The following DLC1 variants were observed in gnomAD, a reference collection of about 807,000 sequenced individuals.
DLC1 encodes DLC1 Rho GTPase activating protein.
DLC1 carries 54 observed loss-of-function variants against 140.3 expected under a neutral mutation model. The ratio of observed to expected loss-of-function variants is 0.38; its 90% CI spans 0.31 to 0.48. The LOEUF is 0.48. DLC1 is among the 20% of genes least tolerant of loss of function. The pLI, the probability that DLC1 is intolerant of heterozygous loss-of-function variation, is 0.96. For missense variants in DLC1, 2,536 were observed against 1,907.0 expected (o/e 1.33, Z -6.14); for synonymous variants, 986 against 728.1 (o/e 1.35, Z -5.70).
intron 5 of DLC1, among the ~76,000 whole-genome samples, chr8:13,190,666 A>G (rs1359139621): frequency 6.6e-6 from 1 of 152,196 alleles, no homozygotes; most frequent in African/African-American, 2.4e-5. Context: ...AAGTACCAGG[A>G]TTTAGCAGAT....
intron 5 of DLC1, among the ~76,000 whole-genome samples, chr8:13,167,994 AT>A (rs1825218112): frequency 6.6e-6 from 1 of 152,154 alleles, no homozygotes; most frequent in Non-Finnish European, 1.5e-5. Flanking sequence ...ATAAATCTGC[AT>A]GTTTTTTTCA....
At chr8:13,091,056 C>T (rs1818024356) in intron 14 of DLC1, among the ~76,000 whole-genome samples, 1 of 152,134 alleles carries the variant, frequency 6.6e-6, no homozygotes, top group South Asian at 2.1e-4. Context: ...GATCCACCCA[C>T]CTCAGCCTCC....
chr8:13,532,578 T>TTCTC (rs61307108), intron 1 of DLC1, among the ~76,000 whole-genome samples: 10 of 149,760 alleles, frequency 6.7e-5, no homozygotes, highest in Admixed American at 2.0e-4. Context: ...CTCTCTCTCT[T>TTCTC]TCTCTCTCTC....
intron 5 of DLC1, among the ~76,000 whole-genome samples, chr8:13,265,351 G>C (rs1830642002): frequency 6.6e-6 from 1 of 152,162 alleles, no homozygotes; most frequent in Admixed American, 6.5e-5. Context: ...AAGAAAAATA[G>C]TAGGCAATCA....
At chr8:13,104,582 C>A (rs1025077116) in intron 7 of DLC1, among the ~76,000 whole-genome samples, 11 of 152,152 alleles carry the variant, frequency 7.2e-5, no homozygotes, top group Non-Finnish European at 1.3e-4. Flanking sequence ...CTACGAATTG[C>A]AATTCTACAT....
At chr8:13,156,146 T>C (rs1484888450) in intron 5 of DLC1, among the ~76,000 whole-genome samples, 1 of 152,250 alleles carries the variant, frequency 6.6e-6, no homozygotes, top group African/African-American at 2.4e-5. Flanking sequence ...ATCTTTAAAA[T>C]AGATTATTAT....
chr8:13,184,116 G>A (rs991138494), intron 5 of DLC1, among the ~76,000 whole-genome samples: 5 of 152,192 alleles, frequency 3.3e-5, no homozygotes, highest in African/African-American at 9.7e-5. Context: ...GGTGTTAATA[G>A]TATTCTCTGA....
intron 5 of DLC1, among the ~76,000 whole-genome samples, chr8:13,219,452 A>G (rs892475276): frequency 1.6e-5 from 1 of 61,516 alleles, no homozygotes; most frequent in South Asian, 5.1e-4. Flanking sequence ...TAAAATATAT[A>G]AACAGGAATA....
chr8:13,451,870 G>T lies in DLC1; in HGVS notation c.1023+47179C>A, dbSNP rs543749351. Among the ~76,000 whole-genome samples the T allele has an allele frequency of 2.6e-5, 4 of 152,156 alleles. No homozygotes were observed. The South Asian group carries it at 8.3e-4, about 32-fold the overall frequency. ...GTTTGATACATTAATTTCTTTTTTT[G>T]GGAGGGTATATACCCAGCAGTAGGA... is the stretch of plus-strand genomic sequence containing the variant. On this transcript the variant is annotated intron_variant, in intron 2 of 17. Coordinates refer to ENST00000276297, the MANE Select transcript of DLC1 (RefSeq NM_182643.3).
chr8:13,099,373 A>G lies in DLC1; in HGVS notation c.2964T>C (p.Val988=). Residue 988 remains valine (V), a synonymous_variant, in exon 9 of 18, where the codon GTT becomes GTC. Transcript: ENST00000276297. ...TGTTGGACCTGGTTAGGGAAGCCCC[A>G]ACCCCAGAATCCCTTCTTTCCGGGA... The part of the protein sequence containing the change: ...SEIPERRDSG[V]GASLTRSNRH... 1 of 1,613,348 alleles carries G rather than the reference A, an allele frequency of 6.2e-7. No homozygotes were observed. The highest frequency in any genetic ancestry group is 8.5e-7 in the Non-Finnish European group (1 of 1,179,840).
At chr8:13,483,796 C>T (rs1800845903) in intron 2 of DLC1, among the ~76,000 whole-genome samples, 1 of 151,982 alleles carries the variant, frequency 6.6e-6, no homozygotes, top group Non-Finnish European at 1.5e-5. Flanking sequence ...TAAAGATAAT[C>T]TCGGGCGGGG....
intron 2 of DLC1, among the ~76,000 whole-genome samples, chr8:13,455,476 A>G (rs1799340268): frequency 6.6e-6 from 1 of 152,096 alleles, no homozygotes; most frequent in Non-Finnish European, 1.5e-5. Context: ...CCTCTGCTCC[A>G]GACACACCTG....
At chr8:13,566,182 GTT>G (rs1804420885) in intron 1 of DLC1, among the ~76,000 whole-genome samples, 1 of 152,124 alleles carries the variant, frequency 6.6e-6, no homozygotes, top group South Asian at 2.1e-4. Context: ...GCTGGAAAGA[GTT>G]TAAGGCAGGG....
chr8:13,389,473 G>A (rs1836659373), intron 4 of DLC1, among the ~76,000 whole-genome samples: 1 of 152,092 alleles, frequency 6.6e-6, no homozygotes, highest in Non-Finnish European at 1.5e-5. Context: ...AACAATTTAG[G>A]AGAGAAATTG....
intron 5 of DLC1, among the ~76,000 whole-genome samples, chr8:13,175,589 A>G (rs1055168440): frequency 6.6e-6 from 1 of 152,184 alleles, no homozygotes; most frequent in Non-Finnish European, 1.5e-5. Context: ...TAGACTCACA[A>G]AAAGTTGCAA....
chr8:13,399,689 A>G (rs1395026758), intron 3 of DLC1, among the ~76,000 whole-genome samples: 3 of 152,224 alleles, frequency 2.0e-5, no homozygotes, highest in African/African-American at 2.4e-5. Flanking sequence ...TAGCCAATCT[A>G]TAAGGTTTTA....
intron 5 of DLC1, among the ~76,000 whole-genome samples, chr8:13,200,236 T>TG (rs112334394): frequency 6.8e-6 from 1 of 148,112 alleles, no homozygotes; most frequent in Non-Finnish European, 1.5e-5. Context: ...TATATATATA[T>TG]TTTTTTTAGT....
chr8:13,257,193 C>G (rs928637992), intron 5 of DLC1, among the ~76,000 whole-genome samples: 1 of 151,260 alleles, frequency 6.6e-6, no homozygotes, highest in Admixed American at 6.6e-5. Context: ...TCACACAGTT[C>G]CCGGGACTAC....
At chr8:13,586,228 G>A (rs899705447) in intron 1 of DLC1, among the ~76,000 whole-genome samples, 1 of 152,122 alleles carries the variant, frequency 6.6e-6, no homozygotes, top group African/African-American at 2.4e-5. Flanking sequence ...AAGGCTTGAG[G>A]CAGGAAGGGC....
Sources: allele counts gnomAD v4.1 joint callset (sites outside exome capture counted in the v4.1 genomes callset), GRCh38; gene constraint gnomAD v4.1.1; transcripts MANE v1.5; gene names NCBI Gene and HGNC (gene_info 2026-07-23, HGNC 2026-07-21).